The following SRD5A1 variants were observed in gnomAD, a reference collection of about 807,000 sequenced individuals.
SRD5A1 encodes steroid 5 alpha-reductase 1.
Under a neutral mutation model 28.2 loss-of-function variants are expected in SRD5A1, and 22 were observed. The ratio of observed to expected loss-of-function variants is 0.78; its 90% CI spans 0.56 to 1.12. The LOEUF (loss-of-function observed/expected upper bound fraction) is 1.12, where lower values mean the gene tolerates loss of function less well. SRD5A1 is among the 50% of genes most tolerant of loss of function. The probability of loss-of-function intolerance (pLI) is 0.00; values close to 1 mark genes in which losing one functional copy is unlikely to be tolerated. For missense variants in SRD5A1, 300 were observed against 346.7 expected (o/e 0.87, Z 1.07); for synonymous variants, 151 against 135.0 (o/e 1.12, Z -0.82).
chr5:6,652,036 C>T (rs1413820402), intron 2 of SRD5A1, 28 bp downstream of exon 2: 2 of 1,597,456 alleles, frequency 1.3e-6, no homozygotes, highest in Non-Finnish European at 1.7e-6. Flanking sequence ...TGAACTCCGC[C>T]TTGTTCACAT....
chr5:6,646,472 G>A (rs1738514080), intron 1 of SRD5A1, among the ~76,000 whole-genome samples: 1 of 152,222 alleles, frequency 6.6e-6, no homozygotes, highest in Admixed American at 6.5e-5. Flanking sequence ...GGTGTATTCA[G>A]GGATTCGACT....
intron 1 of SRD5A1, chr5:6,644,880 C>T (rs771167230): frequency 2.6e-5 from 12 of 455,890 alleles, no homozygotes; most frequent in South Asian, 1.4e-4. Context: ...ATTGTCTGCC[C>T]GGATCTGAAT....
chr5:6,658,220 G>A (rs1738889959), intron 3 of SRD5A1, among the ~76,000 whole-genome samples: 1 of 152,170 alleles, frequency 6.6e-6, no homozygotes, highest in Admixed American at 6.5e-5. Flanking sequence ...AGCTACTTGG[G>A]AGGCTGAGAC....
At chr5:6,651,712 G>A in intron 1 of SRD5A1, 130 bp from the exon 2 acceptor site, 1 of 850,064 alleles carries the variant, frequency 1.2e-6, no homozygotes, top group South Asian at 1.9e-5. Flanking sequence ...TAATAAATTA[G>A]TATAAATGTT....
chr5:6,634,035 A>G (rs1053892512), intron 1 of SRD5A1, among the ~76,000 whole-genome samples, 166 bp downstream of exon 1: 5 of 151,946 alleles, frequency 3.3e-5, no homozygotes, highest in Non-Finnish European at 7.4e-5. Flanking sequence ...CCCTTCCCCG[A>G]GTCCCCCGGC....
chr5:6,636,125 G>A (rs1738177236), intron 1 of SRD5A1, among the ~76,000 whole-genome samples: 1 of 151,368 alleles, frequency 6.6e-6, no homozygotes, highest in African/African-American at 2.4e-5. Context: ...TAGTCTATGT[G>A]GTTTGGGGAC....
In SRD5A1 at chr5:6,668,310, A is replaced by G; in HGVS notation, c.*42A>G. The G allele has an allele frequency of 8.4e-7, 1 of 1,197,414 alleles. No homozygotes were observed. Among genetic ancestry groups the G allele is most frequent in the Non-Finnish European group, 1.2e-6 (1 of 827,548 alleles). 74.2% of individuals were successfully genotyped at this position (1,197,414 alleles called of 1,614,324 possible). A position where few individuals can be genotyped will look rare whatever the true frequency, so the allele number is the denominator to read the frequency against. On this transcript the variant is annotated 3_prime_UTR_variant, in exon 5 of 5. Transcript: ENST00000274192. ...ATTATCTTCAACTTGAAGCTTTCCA[A>G]TGGCGCTTCTCTATGGACTTTGTAA...
chr5:6,674,091 CTG>C lies in SRD5A1; in HGVS notation c.*5824_*5825del, dbSNP rs2126562775. ...TGAAGAATGAATGCTAATGTAAACT[CTG>C]GATTTTTATTAATAATATTATTTAA... On this transcript the variant is annotated 3_prime_UTR_variant, in exon 5 of 5. Coordinates refer to ENST00000274192, the MANE Select transcript of SRD5A1 (RefSeq NM_001047.4). The C allele has an allele frequency of 7.3e-6, 1 of 137,710 alleles. No homozygotes were observed. The highest frequency in any genetic ancestry group is 1.9e-4 in the East Asian group (1 of 5,174). The allele number at this position is 137,710 out of a possible 1,614,324, so 8.5% of individuals were successfully genotyped here.
chr5:6,634,643 T>G (rs887439388), intron 1 of SRD5A1, among the ~76,000 whole-genome samples: 2 of 152,246 alleles, frequency 1.3e-5, no homozygotes, highest in African/African-American at 4.8e-5. Context: ...CATGTCCACC[T>G]TATGCAAGGG....
At chr5:6,644,289 C>T (rs1478618631) in intron 1 of SRD5A1, among the ~76,000 whole-genome samples, 1 of 152,104 alleles carries the variant, frequency 6.6e-6, no homozygotes, top group African/African-American at 2.4e-5. Context: ...TCCAGAGGCC[C>T]GACCTCTTAT....
At chr5:6,666,964 G>A (rs913837124) in intron 4 of SRD5A1, among the ~76,000 whole-genome samples, 5 of 152,172 alleles carry the variant, frequency 3.3e-5, no homozygotes, top group Non-Finnish European at 4.4e-5. Context: ...GGAGAGAGGC[G>A]CTCACCTGCT....
In SRD5A1 at chr5:6,673,521, G is replaced by A. The variant is rs1739421211; in HGVS notation, c.*5253G>A. Reference sequence around the variant, plus strand: ...GTGGAGCCACTTGGGAAGACAGTCTGGCAGATTCCTAAAAAGGTAAACATA... The same window carrying A: ...GTGGAGCCACTTGGGAAGACAGTCTAGCAGATTCCTAAAAAGGTAAACATA... On this transcript the variant is annotated 3_prime_UTR_variant, in exon 5 of 5. Transcript: ENST00000274192. 1 of 152,156 alleles carries A rather than the reference G, an allele frequency of 6.6e-6. No homozygotes were observed. Among genetic ancestry groups the A allele is most frequent in the Non-Finnish European group, 1.5e-5 (1 of 68,040 alleles). The allele number at this position is 152,156 out of a possible 1,614,324, so 9.4% of individuals were successfully genotyped here.
intron 1 of SRD5A1, among the ~76,000 whole-genome samples, chr5:6,651,032 C>T (rs1738656303): frequency 6.6e-6 from 1 of 152,016 alleles, no homozygotes; most frequent in African/African-American, 2.4e-5. Flanking sequence ...TAATTTTATC[C>T]TCTATCAAAT....
At chr5:6,645,563 C>T (rs542744418) in intron 1 of SRD5A1, among the ~76,000 whole-genome samples, 3 of 151,430 alleles carry the variant, frequency 2.0e-5, no homozygotes, top group South Asian at 4.2e-4. Context: ...CGCTTCAACC[C>T]GGGAGGCGGA....
At chr5:6,660,455 T>G (rs1196389551) in intron 3 of SRD5A1, among the ~76,000 whole-genome samples, 1 of 152,252 alleles carries the variant, frequency 6.6e-6, no homozygotes, top group Non-Finnish European at 1.5e-5. Context: ...CTTCCACGTC[T>G]GGGATTCACC....
chr5:6,657,527 T>C (rs1338974991), intron 3 of SRD5A1, among the ~76,000 whole-genome samples: 2 of 152,132 alleles, frequency 1.3e-5, no homozygotes, highest in African/African-American at 2.4e-5. Context: ...AATCGGCAAG[T>C]GTTCATCCCC....
At chr5:6,643,624 C>G (rs932720923) in intron 1 of SRD5A1, among the ~76,000 whole-genome samples, 23 of 152,110 alleles carry the variant, frequency 1.5e-4, no homozygotes, top group Non-Finnish European at 2.4e-4. Context: ...AGGGTGCTCC[C>G]AGTGTCCTTA....
chr5:6,660,693 T>C (rs1302474602), intron 3 of SRD5A1, among the ~76,000 whole-genome samples: 9 of 152,238 alleles, frequency 5.9e-5, no homozygotes. Flanking sequence ...TTGATATTTT[T>C]ATGTTTTATA....
rs923643796 is a variant in SRD5A1 at position 6,669,630 on chromosome 5, A to G, written c.*1362A>G. The G allele has an allele frequency of 1.3e-5, 2 of 152,054 alleles. No homozygotes were observed. Among genetic ancestry groups the G allele is most frequent in the East Asian group, 3.9e-4 (2 of 5,188 alleles). The allele number at this position is 152,054 out of a possible 1,614,324, so 9.4% of individuals were successfully genotyped here. Reference sequence around the variant, plus strand: ...TTCTTTCATCATATTTCCTGTTTTTATTTGGTTTTTTCAACTTCTTCTGTT... The same window carrying G: ...TTCTTTCATCATATTTCCTGTTTTTGTTTGGTTTTTTCAACTTCTTCTGTT... On this transcript the variant is annotated 3_prime_UTR_variant, in exon 5 of 5. Transcript: ENST00000274192.
Sources: gnomAD v4.1 joint callset for allele counts (sites outside exome capture counted in the v4.1 genomes callset) on GRCh38, gnomAD v4.1.1 for gene constraint, MANE v1.5 for transcripts, NCBI Gene and HGNC (gene_info 2026-07-23, HGNC 2026-07-21) for gene names.